BAZ2A: variants seen among roughly 807,000 people sequenced by gnomAD.
BAZ2A encodes bromodomain adjacent to zinc finger domain protein 2A.
In BAZ2A, 34 loss-of-function variants were observed where a neutral mutation model predicts 199.9. The ratio of observed to expected loss-of-function variants is 0.17; its 90% CI spans 0.13 to 0.23. BAZ2A has a LOEUF of 0.23. Ranked by LOEUF, BAZ2A falls within the 10% of genes least tolerant of loss-of-function variation. The pLI is 1.00. For missense variants in BAZ2A, 2,002 were observed against 2,391.1 expected (o/e 0.84, Z 3.39); for synonymous variants, 857 against 883.9 (o/e 0.97, Z 0.54).
intron 1 of BAZ2A, among the ~76,000 whole-genome samples, chr12:56,622,515 C>T (rs1426767112): frequency 6.6e-6 from 1 of 152,122 alleles, no homozygotes; most frequent in African/African-American, 2.4e-5. Flanking sequence ...ATGTGAACAC[C>T]TCCTCTCAAC....
rs374390165 is a variant in BAZ2A at position 56,601,610 on chromosome 12, G to A, written c.4007C>T (p.Pro1336Leu). ...TTGGTCCTCAGAAACTGCAGGGGGC[G>A]GTGTGGGGGCAGCATTGCAGGGCAT... ...AQMPCNAAPT[P>L]PPAVSEDQPT... Residue 1336 changes from proline (P) to leucine (L), a missense_variant, in exon 20 of 29, where the codon CCG becomes CTG. Physicochemically the swap from Pro to Leu is moderately conservative, Grantham distance 98. Around this residue, in one of 6 missense-constraint regions of BAZ2A, gnomAD observed 1,081 missense variants for 1,274.7 expected, o/e 0.85. Coordinates refer to ENST00000549884, the MANE Select transcript of BAZ2A (RefSeq NM_001300905.2). 7.4e-5 allele frequency: 119 copies of A among 1,613,850 alleles called. No individual in the cohort carries two copies. The highest frequency in any genetic ancestry group is 2.0e-4 in the South Asian group (18 of 91,086).
Position 56,605,840 on chromosome 12 carries a change from G to C in BAZ2A, c.2483C>G (p.Thr828Ser), listed in dbSNP as rs563344996. ...MKKPTEDMCL[T>S]DHQPLPDFSR... ...CTCTCTCCTCACTACCTGGTGGTCA[G>C]TCAGACACATATCCTCTGTCGGCTT... Residue 828 changes from threonine to serine, a missense_variant, in exon 13 of 29, where the codon ACT (threonine) becomes AGT (serine). Coordinates refer to ENST00000549884, the MANE Select transcript of BAZ2A (RefSeq NM_001300905.2). The C allele has an allele frequency of 1.2e-6, 2 of 1,609,284 alleles. No homozygotes were observed. Among genetic ancestry groups the C allele is most frequent in the East Asian group, 4.5e-5 (2 of 44,768 alleles).
rs762695362 is a variant in BAZ2A at position 56,614,988 on chromosome 12, CACCCAGTTCACCA to C, written c.730+13_730+25del. 6.3e-7 allele frequency: 1 copy of C among 1,592,728 alleles called. No homozygotes were observed. The highest frequency in any genetic ancestry group is 8.6e-7 in the Non-Finnish European group (1 of 1,169,280). On this transcript the variant is annotated intron_variant, in intron 3 of 28. Coordinates refer to ENST00000549884, the MANE Select transcript of BAZ2A (RefSeq NM_001300905.2). ...CCCCGAGCTCCATTTTTCCTTTCCCCACCCAGTTCACCAACCCAGTTATACCTGGCTGCTCTTC... is the reference window on the plus strand; with the variant it reads ...CCCCGAGCTCCATTTTTCCTTTCCCCACCCAGTTATACCTGGCTGCTCTTC...
chr12:56,636,108 C>A, intron 1 of BAZ2A: 1 of 1,493,350 alleles, frequency 6.7e-7, no homozygotes, highest in Non-Finnish European at 9.1e-7. Context: ...AGGTTAGGCC[C>A]CACCCCTGCT....
At position 56,609,913 on chromosome 12, in the gene BAZ2A, T is replaced by C; in HGVS notation, c.1915A>G (p.Ile639Val). 1 of 1,612,594 alleles carries C rather than the reference T, an allele frequency of 6.2e-7. No individual in the cohort carries two copies. Among genetic ancestry groups the C allele is most frequent in the Non-Finnish European group, 8.5e-7 (1 of 1,179,726 alleles). The change falls in exon 10 of 29, where the codon ATC becomes GTC. Residue 639 changes from isoleucine to valine, a missense_variant. Physicochemically the swap from Ile to Val is conservative, Grantham distance 29. Around this residue, in one of 6 missense-constraint regions of BAZ2A, gnomAD observed 74 missense variants for 126.1 expected, o/e 0.59. Coordinates refer to ENST00000549884, the MANE Select transcript of BAZ2A (RefSeq NM_001300905.2). The part of the protein sequence containing the change: ...LQWVQLSAEE[I>V]PSRIQAITGK... ...GTAATTGCCTGAATCCTCGACGGGA[T>C]CTCCTCTGCTGAGAGCTGCACCCAC... is the stretch of plus-strand genomic sequence containing the variant.
At chr12:56,631,275 A>T (rs948531359), upstream of BAZ2A, among the ~76,000 whole-genome samples, 6 of 151,856 alleles carry the variant, frequency 4.0e-5, no homozygotes, top group Admixed American at 2.0e-4. Context: ...ACATGATGAA[A>T]CCCGGTCTCT....
Position 56,603,437 on chromosome 12 carries a change from G to A in BAZ2A, c.3220-19C>T, listed in dbSNP as rs183741884. On this transcript the variant is annotated intron_variant, in intron 17 of 28. Coordinates refer to ENST00000549884, the MANE Select transcript of BAZ2A (RefSeq NM_001300905.2). ...CATCAACCTAGGGAGAAACACATGG[G>A]CATTATGAAAAAGGAGGTTATCAGA... 86 of 1,613,864 alleles carry A rather than the reference G, an allele frequency of 5.3e-5. No homozygotes were observed. The African/African-American group carries it at 1.1e-3, about 21-fold the overall frequency.
At chr12:56,626,168 T>A (rs1339456236) in intron 1 of BAZ2A, among the ~76,000 whole-genome samples, 1 of 152,174 alleles carries the variant, frequency 6.6e-6, no homozygotes, top group Non-Finnish European at 1.5e-5. Flanking sequence ...CTGACCCACA[T>A]GAGATAATAC....
intron 1 of BAZ2A, among the ~76,000 whole-genome samples, chr12:56,623,773 T>TGG (rs1950998056): frequency 1.3e-5 from 2 of 152,094 alleles, no homozygotes; most frequent in African/African-American, 4.8e-5. Context: ...AACGAAGATA[T>TGG]TATCTGGCCC....
exon 1 of BAZ2A, chr12:56,636,280 CTG>C (rs748978383): frequency 1.0e-5 from 16 of 1,540,110 alleles, no homozygotes; most frequent in Non-Finnish European, 1.4e-5. Context: ...TCCTCCCAAA[CTG>C]TGAGCTGGGA....
rs1444758202 is a variant in BAZ2A, at chr12:56,601,325, C to CT, written c.4148dup (p.Arg1384GlufsTer28). On this transcript the variant is annotated frameshift_variant, in exon 21 of 29. Transcript: ENST00000549884. LOFTEE classifies it high-confidence loss of function. ...TTTCTCCAGGGTCTCCTGCTCGCCT[C>CT]TTAGGGGCCAACCCAGCCAAGGGCG... The CT allele has an allele frequency of 6.2e-7, 1 of 1,614,036 alleles. No individual in the cohort carries two copies. The highest frequency in any genetic ancestry group is 8.5e-7 in the Non-Finnish European group (1 of 1,179,896).
rs765565061 is a variant in BAZ2A, at chr12:56,615,207, A to T, written c.537T>A (p.Asn179Lys). The change falls in exon 3 of 29, where the codon AAT becomes AAA. Residue 179 changes from asparagine to lysine, a missense_variant. By Grantham distance (94) the Asn-to-Lys change is moderately conservative. Coordinates refer to ENST00000549884, the MANE Select transcript of BAZ2A (RefSeq NM_001300905.2). Reference protein sequence around the residue: ...FPDQNFEVMPNGPPSFFTSPQ... With the variant: ...FPDQNFEVMPKGPPSFFTSPQ... The stretch of plus-strand genomic sequence containing the variant: ...GGGAGGTGAAAAAACTAGGGGGTCC[A>T]TTGGGCATCACCTCAAAATTCTGGT... 1.9e-6 allele frequency: 3 copies of T among 1,613,820 alleles called. No homozygotes were observed. Among genetic ancestry groups the T allele is most frequent in the Non-Finnish European group, 2.5e-6 (3 of 1,179,820 alleles).
chr12:56,636,920 C>G (rs1489497963), upstream of BAZ2A: 1 of 152,594 alleles, frequency 6.6e-6, no homozygotes, highest in East Asian at 1.9e-4. Flanking sequence ...TGGAAGGAAG[C>G]TTAGAGGCCC....
rs1315543474 is a variant in BAZ2A, at chr12:56,617,402, T to C, written c.129A>G (p.Gln43=). 4 of 1,600,034 alleles carry C rather than the reference T, an allele frequency of 2.5e-6. No homozygotes were observed. The East Asian group carries it at 9.0e-5, about 36-fold the overall frequency. The part of the protein sequence containing the change: ...TNGSPMNFPQ[Q]GKSLNGDVNV... Reference sequence around the variant, plus strand: ...AGCAGCCCTCACACTCACTTTTCCCTTGCTGGGGGAAGTTCATGGGAGACC... The same window carrying C: ...AGCAGCCCTCACACTCACTTTTCCCCTGCTGGGGGAAGTTCATGGGAGACC... The change falls in exon 2 of 29, where the codon CAA becomes CAG. Residue 43 remains glutamine, a synonymous_variant. Coordinates refer to ENST00000549884, the MANE Select transcript of BAZ2A (RefSeq NM_001300905.2).
At chr12:56,603,099 C>T (rs1038531188) in intron 18 of BAZ2A, among the ~76,000 whole-genome samples, 1 of 152,102 alleles carries the variant, frequency 6.6e-6, no homozygotes, top group Admixed American at 6.6e-5. Context: ...GCCTTGGTAA[C>T]ATATGGAAAC....
At chr12:56,600,867 A>G in intron 22 of BAZ2A, 35 bp from the exon 23 acceptor site, 1 of 1,612,018 alleles carries the variant, frequency 6.2e-7, no homozygotes, top group Non-Finnish European at 8.5e-7. Context: ...GAGGCCCATC[A>G]GGCTGTTGTC....
At position 56,597,562 on chromosome 12, in the gene BAZ2A, G is replaced by GCGCACACACACACA. The variant is rs1555204160; in HGVS notation, c.*1055_*1056insTGTGTGTGTGTGCG. 65 of 138,718 alleles carry GCGCACACACACACA rather than the reference G, an allele frequency of 4.7e-4. 1 individual carries two copies. The highest frequency in any genetic ancestry group is 1.6e-3 in the African/African-American group (55 of 33,652). 8.6% of individuals were successfully genotyped at this position (138,718 alleles called of 1,614,324 possible). A position where few individuals can be genotyped will look rare whatever the true frequency, so the allele number is the denominator to read the frequency against. On this transcript the variant is annotated 3_prime_UTR_variant, in exon 29 of 29. Coordinates refer to ENST00000549884, the MANE Select transcript of BAZ2A (RefSeq NM_001300905.2). ...TCAAACAATACAGGGTCACAAGCAC[G>GCGCACACACACACA]CACACACACACACACACACAGCGCG...
upstream of BAZ2A, chr12:56,630,339 G>C: frequency 1.0e-6 from 1 of 957,142 alleles, no homozygotes; most frequent in Non-Finnish European, 1.2e-6. Context: ...GTCGGAGCCG[G>C]AGGGGGCGGA....
intron 17 of BAZ2A, 50 bp from the exon 18 acceptor site, chr12:56,603,468 G>T (rs1950245020): frequency 1.9e-6 from 3 of 1,613,864 alleles, no homozygotes; most frequent in Non-Finnish European, 2.5e-6. Flanking sequence ...TCAGATTCAA[G>T]AAAGAGGAAT....
Sources: gnomAD v4.1 joint callset for allele counts (sites outside exome capture counted in the v4.1 genomes callset) on GRCh38, gnomAD v4.1.1 for gene constraint, gnomAD v4.1.1 regional missense constraint, MANE v1.5 for transcripts, NCBI Gene and HGNC (gene_info 2026-07-23, HGNC 2026-07-21) for gene names.